ATF6: variants seen among roughly 807,000 people sequenced by gnomAD.
ATF6 encodes activating transcription factor 6.
Under a neutral mutation model 83.6 loss-of-function variants are expected in ATF6, and 53 were observed. The ratio of observed to expected loss-of-function variants is 0.63; its 90% CI spans 0.51 to 0.80. The LOEUF (loss-of-function observed/expected upper bound fraction) is 0.80. Among genes scored for constraint, ATF6 ranks in the 30% least tolerant of loss-of-function variants. The pLI, the probability that ATF6 is intolerant of heterozygous loss-of-function variation, is 0.00. For synonymous variants in ATF6, 288 were observed against 285.8 expected, an observed-to-expected ratio of 1.01 and a Z score of -0.08; for missense variants, 744 against 797.9, an observed-to-expected ratio of 0.93 and a Z score of 0.81.
At chr1:161,807,051 A>G (rs568573947) in intron 7 of ATF6, among the ~76,000 whole-genome samples, 3 of 152,066 alleles carry the variant, frequency 2.0e-5, no homozygotes, top group South Asian at 2.1e-4. Flanking sequence ...CATTGTCTAG[A>G]GGGAGATTTT....
Position 161,805,100 on chromosome 1 carries a change from T to C in ATF6, c.909+2828T>C, listed in dbSNP as rs368498533. Among the ~76,000 whole-genome samples the C allele has an allele frequency of 1.3e-4, 20 of 152,306 alleles. No individual in the cohort carries two copies. The South Asian group carries it at 4.1e-3, about 32-fold the overall frequency. ...AGTTCTTCAACGTTAATTGAGACTT[T>C]GTCAGCAAAGTCTCAATGTATGAAT... On this transcript the variant is annotated intron_variant, in intron 7 of 15. Transcript: ENST00000367942.
At position 161,771,609 on chromosome 1, in the gene ATF6, TC is replaced by T. The variant is rs891117307; in HGVS notation, c.82+5168del. ...TTCCTGGATCACTCTCTTTCACTTT[TC>T]TTTTTTTCTTTTAGAGATGGGGTCT... On this transcript the variant is annotated intron_variant, in intron 1 of 15. Transcript: ENST00000367942. 2.9e-3 allele frequency among the ~76,000 whole-genome samples: 438 copies of T among 152,126 alleles called. 1 individual carries two copies. Among genetic ancestry groups the T allele is most frequent in the African/African-American group, 0.01 (427 of 41,490 alleles).
intron 8 of ATF6, 78 bp downstream of exon 8, chr1:161,819,896 T>C: frequency 8.0e-7 from 1 of 1,244,316 alleles, no homozygotes; most frequent in Non-Finnish European, 1.1e-6. Flanking sequence ...CTTTTACATT[T>C]TAAATTAAAT....
intron 9 of ATF6, among the ~76,000 whole-genome samples, chr1:161,829,578 T>C (rs4657111): frequency 0.95 from 144,439 of 152,232 alleles, 68,632 homozygotes; most frequent in East Asian, 1. Context: ...AAACTGAATC[T>C]AGCAACATAT....
intron 7 of ATF6, among the ~76,000 whole-genome samples, chr1:161,813,532 T>A (rs1557974168): frequency 6.6e-6 from 1 of 152,180 alleles, no homozygotes; most frequent in Non-Finnish European, 1.5e-5. Flanking sequence ...TTATACTCAA[T>A]CTCATGAAAC....
intron 9 of ATF6, among the ~76,000 whole-genome samples, chr1:161,835,829 C>G (rs1447741961): frequency 2.0e-5 from 3 of 152,180 alleles, no homozygotes; most frequent in African/African-American, 7.2e-5. Flanking sequence ...TTTTAAAGGT[C>G]ACTATAGTCA....
chr1:161,960,109 G>T lies in ATF6; in HGVS notation c.*1455G>T, dbSNP rs1689068669. On this transcript the variant is annotated 3_prime_UTR_variant, in exon 16 of 16. Transcript: ENST00000367942. ...TGGTTAAAAAAAAAAAAAAAGCTGTGTTCATTTTTACTGTACTATGCCTCT... is the reference window on the plus strand; with the variant it reads ...TGGTTAAAAAAAAAAAAAAAGCTGTTTTCATTTTTACTGTACTATGCCTCT... The T allele has an allele frequency of 6.7e-6, 1 of 149,398 alleles. No individual in the cohort carries two copies. Among genetic ancestry groups the T allele is most frequent in the Non-Finnish European group, 1.5e-5 (1 of 67,492 alleles). 9.3% of individuals were successfully genotyped at this position (149,398 alleles called of 1,614,324 possible).
intron 7 of ATF6, among the ~76,000 whole-genome samples, chr1:161,819,168 A>G (rs1409662906): frequency 6.6e-6 from 1 of 152,212 alleles, no homozygotes; most frequent in Non-Finnish European, 1.5e-5. Flanking sequence ...AAATGGATAG[A>G]TTTTTAAACA....
At chr1:161,931,403 A>G (rs1413146385) in intron 15 of ATF6, among the ~76,000 whole-genome samples, 1 of 152,188 alleles carries the variant, frequency 6.6e-6, no homozygotes, top group Non-Finnish European at 1.5e-5. Flanking sequence ...ATTGCCTTCC[A>G]CTATCTTTTT....
At position 161,935,645 on chromosome 1, in the gene ATF6, T is replaced by C. The variant is rs111256263; in HGVS notation, c.1805-22801T>C. ...GGTTAGTGCAAATGTAATTGCTGTT[T>C]TCGCCATTTTAATGGCAAAAATCAC... On this transcript the variant is annotated intron_variant, in intron 15 of 15. Coordinates refer to ENST00000367942, the MANE Select transcript of ATF6 (RefSeq NM_007348.4). Among the ~76,000 whole-genome samples, 1,503 of 152,368 alleles carry C rather than the reference T, an allele frequency of 9.9e-3. 8 individuals are homozygous for C. Among genetic ancestry groups the C allele is most frequent in the South Asian group, 0.017 (82 of 4,828 alleles).
chr1:161,935,858 C>A (rs145307805), intron 15 of ATF6, among the ~76,000 whole-genome samples: 1 of 152,166 alleles, frequency 6.6e-6, no homozygotes, highest in East Asian at 1.9e-4. Context: ...TCTAAAGAAA[C>A]GGAATTGATT....
At chr1:161,903,728 A>G (rs1036782051) in intron 14 of ATF6, among the ~76,000 whole-genome samples, 13 of 152,334 alleles carry the variant, frequency 8.5e-5, no homozygotes, top group African/African-American at 3.1e-4. Flanking sequence ...ATGAGGACAC[A>G]GATTAAGGAA....
intron 15 of ATF6, among the ~76,000 whole-genome samples, chr1:161,926,765 A>G (rs576052763): frequency 6.6e-6 from 1 of 152,270 alleles, no homozygotes; most frequent in East Asian, 1.9e-4. Flanking sequence ...CTACAAGTCC[A>G]TAATATTTTG....
intron 14 of ATF6, among the ~76,000 whole-genome samples, chr1:161,866,271 T>A (rs141082358): frequency 2.2e-4 from 33 of 152,328 alleles, no homozygotes; most frequent in African/African-American, 7.5e-4. Context: ...AAGTAGCCAT[T>A]GACTGTTTCG....
chr1:161,902,608 T>C (rs1687808348), intron 14 of ATF6, among the ~76,000 whole-genome samples: 1 of 152,170 alleles, frequency 6.6e-6, no homozygotes. Flanking sequence ...TCTTGCCTCC[T>C]TAGGGAAAAA....
chr1:161,898,874 T>G (rs1687728803), intron 14 of ATF6, among the ~76,000 whole-genome samples: 1 of 152,130 alleles, frequency 6.6e-6, no homozygotes, highest in Non-Finnish European at 1.5e-5. Flanking sequence ...ATGTATATCC[T>G]CACTAAATAA....
intron 15 of ATF6, among the ~76,000 whole-genome samples, chr1:161,920,294 C>CTCTCTTTTTTTTT (rs1157916734): frequency 1.8e-5 from 1 of 54,840 alleles, no homozygotes; most frequent in Non-Finnish European, 3.3e-5. Flanking sequence ...CTCTCTCTCT[C>CTCTCTTTTTTTTT]TTTTTTTTTT....
intron 10 of ATF6, among the ~76,000 whole-genome samples, chr1:161,848,228 G>A (rs756579647): frequency 1.3e-5 from 2 of 152,006 alleles, no homozygotes; most frequent in Non-Finnish European, 2.9e-5. Flanking sequence ...CCATTAATTT[G>A]ATGTTCTTGA....
intron 1 of ATF6, 23 bp downstream of exon 1, chr1:161,766,465 C>G: frequency 6.2e-7 from 1 of 1,608,734 alleles, no homozygotes. Flanking sequence ...TGAGAATGTA[C>G]CAGGGTGGCT....
Sources: gnomAD v4.1 joint callset for allele counts (sites outside exome capture counted in the v4.1 genomes callset) on GRCh38, gnomAD v4.1.1 for gene constraint, MANE v1.5 for transcripts, NCBI Gene and HGNC (gene_info 2026-07-23, HGNC 2026-07-21) for gene names.